Variants in MMS19 observed in about 807,000 individuals in gnomAD.
The protein encoded by MMS19 is MMS19 nucleotide excision repair protein homolog.
In MMS19, 77 loss-of-function variants were observed where a neutral mutation model predicts 129.8. The ratio of observed to expected loss-of-function variants is 0.59; its 90% CI spans 0.49 to 0.72. The LOEUF (loss-of-function observed/expected upper bound fraction) is 0.72. Among genes scored for constraint, MMS19 ranks in the 30% least tolerant of loss-of-function variants. The pLI, the probability that MMS19 is intolerant of heterozygous loss-of-function variation, is 0.00. For missense variants in MMS19, 1,168 were observed against 1,266.3 expected (o/e 0.92, Z 1.18); for synonymous variants, 491 against 502.8 (o/e 0.98, Z 0.31).
chr10:97,490,394 T>C (rs1007650774), intron 1 of MMS19, among the ~76,000 whole-genome samples: 2 of 152,202 alleles, frequency 1.3e-5, no homozygotes, highest in African/African-American at 4.8e-5. Flanking sequence ...AATGCAATTT[T>C]AGCAGCACAA....
At position 97,466,080 on chromosome 10, in the gene MMS19, G is replaced by A. The variant is rs1198105588; in HGVS notation, c.1585C>T (p.Leu529Phe). ...ATACCTACACGCAGCTCCTCAGCGA[G>A]CTTGGGTACGAGGTGGCTGCTGAAG... The part of the protein sequence containing the change: ...VAFSSHLVPK[L>F]AEELRVGESN... The change falls in exon 17 of 31, where the codon CTC (leucine) becomes TTC (phenylalanine). Residue 529 changes from leucine (L) to phenylalanine (F), a missense_variant. Coordinates refer to ENST00000438925, the MANE Select transcript of MMS19 (RefSeq NM_022362.5). The A allele has an allele frequency of 7.4e-6, 12 of 1,612,512 alleles. No individual in the cohort carries two copies. The highest frequency in any genetic ancestry group is 2.2e-5 in the South Asian group (2 of 90,994).
At chr10:97,470,917 C>A (rs2034556575) in intron 8 of MMS19, 56 bp from the exon 9 acceptor site, 3 of 1,469,682 alleles carry the variant, frequency 2.0e-6, no homozygotes, top group Middle Eastern at 3.6e-4. Context: ...ACCTTGAACA[C>A]AGGCTCGAAC....
At position 97,465,858 on chromosome 10, in the gene MMS19, A is replaced by G; in HGVS notation, c.1703T>C (p.Ile568Thr). ...CAGCAGAGGCAGTGTCTCCTTGACG[A>G]TGCTGGGATGTGTTGATACAGCTGA... Reference protein sequence around the residue: ...ALSAVSTHPSIVKETLPLLLQ... With the variant: ...ALSAVSTHPSTVKETLPLLLQ... Residue 568 changes from isoleucine to threonine, a missense_variant, in exon 18 of 31, where the codon ATC (isoleucine) becomes ACC (threonine). By Grantham distance (89) the Ile-to-Thr change is moderately conservative. Coordinates refer to ENST00000438925, the MANE Select transcript of MMS19 (RefSeq NM_022362.5). The G allele has an allele frequency of 6.2e-7, 1 of 1,613,904 alleles. No homozygotes were observed. Among genetic ancestry groups the G allele is most frequent in the Non-Finnish European group, 8.5e-7 (1 of 1,179,894 alleles).
intron 1 of MMS19, among the ~76,000 whole-genome samples, chr10:97,496,048 T>C (rs2039721228): frequency 6.6e-6 from 1 of 152,256 alleles, no homozygotes; most frequent in Non-Finnish European, 1.5e-5. Flanking sequence ...CTCAAAGTGT[T>C]GGCATTACAG....
chr10:97,472,969 T>C (rs1564653647), intron 8 of MMS19, among the ~76,000 whole-genome samples: 1 of 152,144 alleles, frequency 6.6e-6, no homozygotes, highest in Non-Finnish European at 1.5e-5. Context: ...GTGATTGTTC[T>C]GCCTCAGCCT....
intron 20 of MMS19, 128 bp downstream of exon 20, chr10:97,462,455 C>T (rs1479716758): frequency 1.4e-6 from 1 of 701,922 alleles, no homozygotes; most frequent in Non-Finnish European, 2.5e-6. Flanking sequence ...ACAAAACTTA[C>T]AAGACGATTA....
At position 97,476,721 on chromosome 10, in the gene MMS19, C is replaced by T. The variant is rs767556632; in HGVS notation, c.646G>A (p.Glu216Lys). Residue 216 changes from glutamate (E) to lysine (K), a missense_variant, in exon 8 of 31, where the codon GAA becomes AAA. By Grantham distance (56) the Glu-to-Lys change is moderately conservative. Transcript: ENST00000438925. ...ATAGGGAAATAACAGGATGTCACTT[C>T]AAACAACTCCTCCACAAAGGGTCCT... ...SLGPFVEELF[E>K]VTSCYFPIDF... is the part of the protein sequence containing the mutation. 1 of 1,613,912 alleles carries T rather than the reference C, an allele frequency of 6.2e-7. No homozygotes were observed. Among genetic ancestry groups the T allele is most frequent in the Non-Finnish European group, 8.5e-7 (1 of 1,179,858 alleles).
intron 1 of MMS19, among the ~76,000 whole-genome samples, chr10:97,493,039 C>A (rs1441064617): frequency 1.3e-5 from 2 of 151,918 alleles, no homozygotes; most frequent in Non-Finnish European, 2.9e-5. Flanking sequence ...GAGACAGAGT[C>A]TTGCTCTGTC....
chr10:97,491,556 TC>T (rs1429708492), intron 1 of MMS19, among the ~76,000 whole-genome samples: 1 of 152,166 alleles, frequency 6.6e-6, no homozygotes, highest in Non-Finnish European at 1.5e-5. Context: ...TCCCAGCTAC[TC>T]AGGAGACTGA....
chr10:97,482,447 G>GATTCC (rs1346937626), intron 2 of MMS19, among the ~76,000 whole-genome samples: 1 of 152,116 alleles, frequency 6.6e-6, no homozygotes, highest in African/African-American at 2.4e-5. Flanking sequence ...TCACGTGTGT[G>GATTCC]ATTCCATTTA....
chr10:97,490,727 C>A (rs1312811353), intron 1 of MMS19, among the ~76,000 whole-genome samples: 2 of 152,238 alleles, frequency 1.3e-5, no homozygotes, highest in East Asian at 1.9e-4. Context: ...CAGAGGCTCA[C>A]TCTAGCACCA....
Position 97,484,106 on chromosome 10 carries a change from A to T in MMS19, c.158T>A (p.Leu53His), listed in dbSNP as rs1334673900. The change falls in exon 2 of 31, where the codon CTT becomes CAT. Residue 53 changes from leucine (L) to histidine (H), a missense_variant. Coordinates refer to ENST00000438925, the MANE Select transcript of MMS19 (RefSeq NM_022362.5). ...NYTVLQVVEA[L>H]GSSLENPEPR... Reference sequence around the variant, plus strand: ...ATTCTATAGCAGAGGCTCTTACCCAAGGGCTTCCACAACTTGTAACACTGT... The same window carrying T: ...ATTCTATAGCAGAGGCTCTTACCCATGGGCTTCCACAACTTGTAACACTGT... 7 of 1,546,560 alleles carry T rather than the reference A, an allele frequency of 4.5e-6. No homozygotes were observed. Among genetic ancestry groups the T allele is most frequent in the Non-Finnish European group, 6.1e-6 (7 of 1,139,240 alleles).
chr10:97,482,739 C>A (rs145886221), intron 2 of MMS19, among the ~76,000 whole-genome samples: 1 of 92,980 alleles, frequency 1.1e-5, no homozygotes, highest in Admixed American at 1.0e-4. Flanking sequence ...TATATATATA[C>A]ACACACACAC....
chr10:97,477,166 T>C (rs2035920327), intron 6 of MMS19, 181 bp downstream of exon 6: 1 of 1,474,146 alleles, frequency 6.8e-7, no homozygotes, highest in African/African-American at 1.4e-5. Context: ...AAACACTGGC[T>C]CAAACAAACT....
At position 97,481,004 on chromosome 10, in the gene MMS19, C is replaced by T. The variant is rs1343905215; in HGVS notation, c.200G>A (p.Arg67Gln). ...CACCTGTGACAAAAGCTGGATTGCT[C>T]GTGCCCGAGTTCGGGGTTCTGGATT... ...LENPEPRTRARAIQLLSQVLL... is the reference protein window; with the variant it reads ...LENPEPRTRAQAIQLLSQVLL... Residue 67 changes from arginine (R) to glutamine (Q), a missense_variant, in exon 3 of 31, where the codon CGA becomes CAA. Arg to Gln is a conservative substitution (Grantham distance 43). Coordinates refer to ENST00000438925, the MANE Select transcript of MMS19 (RefSeq NM_022362.5). 3.1e-6 allele frequency: 5 copies of T among 1,608,844 alleles called. No individual in the cohort carries two copies. The highest frequency in any genetic ancestry group is 2.2e-5 in the East Asian group (1 of 44,798).
At chr10:97,496,406 C>A (rs12767191) in intron 1 of MMS19, among the ~76,000 whole-genome samples, 1 of 150,228 alleles carries the variant, frequency 6.7e-6, no homozygotes, top group Non-Finnish European at 1.5e-5. Flanking sequence ...CCAGCTACTT[C>A]GGGAGGCTTG....
chr10:97,461,443 A>G, intron 23 of MMS19, 53 bp downstream of exon 23: 2 of 1,589,210 alleles, frequency 1.3e-6, no homozygotes, highest in African/African-American at 2.7e-5. Context: ...GAGCTATAAG[A>G]TTTCATGGGT....
In MMS19 at chr10:97,480,750, T is replaced by C. The variant is rs1446320053; in HGVS notation, c.262+192A>G. On this transcript the variant is annotated intron_variant, in intron 3 of 30. Transcript: ENST00000438925. Reference sequence around the variant, plus strand: ...CACCATGCCCAGCTAACGTTTTATATTGAAATCCATGTGTCTTGTGTCTCA... The same window carrying C: ...CACCATGCCCAGCTAACGTTTTATACTGAAATCCATGTGTCTTGTGTCTCA... 7 of 584,986 alleles carry C rather than the reference T, an allele frequency of 1.2e-5. No individual in the cohort carries two copies. In the East Asian group the frequency reaches 1.8e-4, roughly 15 times the overall value. 36.2% of individuals were successfully genotyped at this position (584,986 alleles called of 1,614,324 possible). A position where few individuals can be genotyped will look rare whatever the true frequency, so the allele number is the denominator to read the frequency against.
chr10:97,498,478 C>T (rs780253900), upstream of MMS19: 26 of 1,513,502 alleles, frequency 1.7e-5, no homozygotes, highest in African/African-American at 2.2e-4. Context: ...CGGGGAAGCG[C>T]AAGGGGGCGG....
Sources: allele counts gnomAD v4.1 joint callset (sites outside exome capture counted in the v4.1 genomes callset), GRCh38; gene constraint gnomAD v4.1.1; transcripts MANE v1.5; gene names NCBI Gene and HGNC (gene_info 2026-07-23, HGNC 2026-07-21).